Variants in FAM168A observed in about 807,000 individuals in gnomAD.
The protein encoded by FAM168A is protein FAM168A.
Under a neutral mutation model 28.5 loss-of-function variants are expected in FAM168A, and 3 were observed. The observed-to-expected ratio is 0.11, with a 90% CI of 0.05 to 0.27. FAM168A has a LOEUF of 0.27. Ranked by LOEUF, FAM168A falls within the 10% of genes least tolerant of loss-of-function variation. The pLI is 1.00. For missense variants in FAM168A, 222 were observed against 311.5 expected (o/e 0.71, Z 2.16); for synonymous variants, 122 against 124.2 (o/e 0.98, Z 0.12).
chr11:73,457,340 T>C (rs1867551526), intron 2 of FAM168A, among the ~76,000 whole-genome samples: 2 of 150,646 alleles, frequency 1.3e-5, no homozygotes, highest in African/African-American at 4.9e-5. Context: ...TAGTGAGCTA[T>C]GATCGCACCA....
chr11:73,465,367 T>A (rs771208611), intron 2 of FAM168A, among the ~76,000 whole-genome samples: 12 of 151,892 alleles, frequency 7.9e-5, no homozygotes, highest in Non-Finnish European at 1.5e-4. Context: ...AAAACCTTTA[T>A]GAAGCTTTTG....
intron 1 of FAM168A, among the ~76,000 whole-genome samples, chr11:73,560,576 A>G (rs1422043334): frequency 6.6e-6 from 1 of 152,256 alleles, no homozygotes; most frequent in Non-Finnish European, 1.5e-5. Context: ...TCAACCTGCC[A>G]TGTGCTAAAA....
chr11:73,549,748 T>C (rs777888809), intron 1 of FAM168A, among the ~76,000 whole-genome samples: 4 of 152,164 alleles, frequency 2.6e-5, no homozygotes, highest in Non-Finnish European at 2.9e-5. Context: ...TCAATGTCCC[T>C]TACAGGCTAG....
At chr11:73,493,864 G>A (rs979866341) in intron 1 of FAM168A, among the ~76,000 whole-genome samples, 1 of 152,156 alleles carries the variant, frequency 6.6e-6, no homozygotes, top group African/African-American at 2.4e-5. Context: ...AGACTCAAAC[G>A]CTGTCTCCTA....
At chr11:73,483,526 G>A (rs562350489) in intron 1 of FAM168A, among the ~76,000 whole-genome samples, 19 of 152,260 alleles carry the variant, frequency 1.2e-4, no homozygotes, top group African/African-American at 4.3e-4. Context: ...AATATTTCAT[G>A]GGAAGATGAA....
intron 1 of FAM168A, among the ~76,000 whole-genome samples, chr11:73,574,744 AG>A (rs1944151835): frequency 3.2e-5 from 2 of 62,930 alleles, no homozygotes; most frequent in Non-Finnish European, 6.4e-5. Context: ...TTTTTTTTTT[AG>A]TAGAGAAAAG....
chr11:73,553,999 T>C (rs1478024588), intron 1 of FAM168A, among the ~76,000 whole-genome samples: 1 of 150,938 alleles, frequency 6.6e-6, no homozygotes, highest in African/African-American at 2.4e-5. Context: ...CCAGACCCTA[T>C]CTCAAAAAAA....
intron 1 of FAM168A, among the ~76,000 whole-genome samples, chr11:73,584,876 T>C (rs530836948): frequency 7.2e-4 from 107 of 149,066 alleles, no homozygotes; most frequent in African/African-American, 2.6e-3. Flanking sequence ...AAAAAGATGA[T>C]AGAGTCCGAG....
intron 6 of FAM168A, among the ~76,000 whole-genome samples, chr11:73,409,272 G>A (rs1335874022): frequency 6.6e-6 from 1 of 152,100 alleles, no homozygotes; most frequent in Non-Finnish European, 1.5e-5. Flanking sequence ...TAGTTAGCCT[G>A]TGTTCACCCT....
chr11:73,507,825 A>T (rs977919018), intron 1 of FAM168A, among the ~76,000 whole-genome samples: 4 of 152,154 alleles, frequency 2.6e-5, no homozygotes, highest in African/African-American at 9.7e-5. Flanking sequence ...AAACCAGCAT[A>T]TATGAAGGGC....
Position 73,590,441 on chromosome 11 carries a change from A to G in FAM168A, c.-19+7482T>C, listed in dbSNP as rs74620527. On this transcript the variant is annotated intron_variant, in intron 1 of 7. Coordinates refer to ENST00000356467, the MANE Select transcript of FAM168A (RefSeq NM_015159.3). Reference sequence around the variant, plus strand: ...AAAATGTTTGAGAAACTGTTGCTACATAGCAATAAGCAAGAACACACTACA... The same window carrying G: ...AAAATGTTTGAGAAACTGTTGCTACGTAGCAATAAGCAAGAACACACTACA... Among the ~76,000 whole-genome samples the G allele has an allele frequency of 9.8e-3, 1,494 of 152,334 alleles. 29 individuals are homozygous for G. Among genetic ancestry groups the G allele is most frequent in the African/African-American group, 0.034 (1,393 of 41,578 alleles).
chr11:73,571,619 G>A (rs1944091133), intron 1 of FAM168A, among the ~76,000 whole-genome samples: 1 of 152,106 alleles, frequency 6.6e-6, no homozygotes, highest in Non-Finnish European at 1.5e-5. Flanking sequence ...CCAGCCGCCT[G>A]CCTTGGCCTC....
At chr11:73,429,863 T>C (rs995240923) in intron 3 of FAM168A, among the ~76,000 whole-genome samples, 4 of 152,238 alleles carry the variant, frequency 2.6e-5, no homozygotes, top group Admixed American at 2.0e-4. Flanking sequence ...AGACATTCAA[T>C]ACTTATTGAG....
chr11:73,496,873 TCACACACACACA>T (rs71065011), intron 1 of FAM168A, among the ~76,000 whole-genome samples: 9 of 140,128 alleles, frequency 6.4e-5, no homozygotes, highest in East Asian at 2.0e-4. Flanking sequence ...TATGTTCTTA[TCACACACACACA>T]CACACACACA....
intron 4 of FAM168A, among the ~76,000 whole-genome samples, chr11:73,412,538 C>T (rs1184294352): frequency 1.3e-5 from 2 of 152,228 alleles, no homozygotes; most frequent in African/African-American, 2.4e-5. Context: ...ACAACACTGT[C>T]TCCTTTTAGA....
chr11:73,571,228 T>TCC (rs1944082750), intron 1 of FAM168A, among the ~76,000 whole-genome samples: 2 of 38,372 alleles, frequency 5.2e-5, no homozygotes, highest in East Asian at 1.4e-3. Context: ...CCTCTCCCCC[T>TCC]CCCCCTCCCC....
chr11:73,526,656 C>T (rs1419722785), intron 1 of FAM168A, among the ~76,000 whole-genome samples: 2 of 151,862 alleles, frequency 1.3e-5, no homozygotes, highest in Non-Finnish European at 2.9e-5. Flanking sequence ...GAAGGAAAAC[C>T]GGTGAATATT....
rs571742435 is a variant in FAM168A, at chr11:73,437,843, A to G, written c.71-7073T>C. On this transcript the variant is annotated intron_variant, in intron 2 of 7. Transcript: ENST00000356467. The stretch of plus-strand genomic sequence containing the variant: ...GCTTGCTAGAGATATGAAGATATCC[A>G]TGATTCCTCCTGAATTTTCTTGTGT... 6.6e-5 allele frequency among the ~76,000 whole-genome samples: 10 copies of G among 152,246 alleles called. No individual in the cohort carries two copies. In the East Asian group the frequency reaches 1.7e-3, roughly 27 times the overall value.
chr11:73,530,297 A>G (rs956221679), intron 1 of FAM168A, among the ~76,000 whole-genome samples: 2 of 152,204 alleles, frequency 1.3e-5, no homozygotes, highest in Non-Finnish European at 1.5e-5. Flanking sequence ...ATACGAGACT[A>G]ACCTAGGCTG....
Sources: allele counts gnomAD v4.1 joint callset (sites outside exome capture counted in the v4.1 genomes callset), GRCh38; gene constraint gnomAD v4.1.1; transcripts MANE v1.5; gene names NCBI Gene and HGNC (gene_info 2026-07-23, HGNC 2026-07-21).